TAS2R1: variants seen among roughly 807,000 people sequenced by gnomAD.
The protein encoded by TAS2R1 is taste 2 receptor member 1.
For missense variants in TAS2R1, 370 were observed against 353.4 expected (o/e 1.05, Z -0.38); for synonymous variants, 141 against 134.2 (o/e 1.05, Z -0.35).
the TAS2R1 span, among the ~76,000 whole-genome samples, chr5:9,833,875 G>A: frequency 6.6e-6 from 1 of 152,180 alleles, no homozygotes; most frequent in Non-Finnish European, 1.5e-5. Flanking sequence ...CTGCAAACCA[G>A]TCCTTTTATT....
At chr5:9,778,438 A>C in the TAS2R1 span, among the ~76,000 whole-genome samples, 3 of 152,244 alleles carry the variant, frequency 2.0e-5, no homozygotes, top group Non-Finnish European at 4.4e-5. Flanking sequence ...GCCCCTAACA[A>C]GATAATCAAT....
upstream of TAS2R1, among the ~76,000 whole-genome samples, chr5:9,633,295 T>TTATATATATATATATATATATAA (rs1739906310): frequency 2.0e-5 from 1 of 49,198 alleles, no homozygotes; most frequent in African/African-American, 1.2e-4. Context: ...GTGTGTATAT[T>TTATATATATATATATATATATAA]ATATATATAT....
chr5:9,675,136 T>C (rs150164614), intron 1 of TAS2R1, among the ~76,000 whole-genome samples: 4,219 of 149,214 alleles, frequency 0.028, 75 homozygotes, highest in Middle Eastern at 0.054. Flanking sequence ...AATATATATA[T>C]GTAATTTATG....
the TAS2R1 span, among the ~76,000 whole-genome samples, chr5:9,766,532 C>A: frequency 0.052 from 7,904 of 152,214 alleles, 572 homozygotes; most frequent in East Asian, 0.27. Flanking sequence ...CCCAAAGGAT[C>A]CCAGAGGTCA....
intron 2 of TAS2R1, among the ~76,000 whole-genome samples, chr5:9,650,873 T>C (rs554533346): frequency 1.8e-4 from 27 of 152,316 alleles, no homozygotes; most frequent in Admixed American, 2.6e-4. Context: ...AGTAACTAGA[T>C]GGTGCTTGGC....
the TAS2R1 span, among the ~76,000 whole-genome samples, chr5:9,745,199 G>C: frequency 3.3e-5 from 5 of 152,316 alleles, no homozygotes; most frequent in South Asian, 1.0e-3. Flanking sequence ...GAAAGGTTAG[G>C]AGGTAATATT....
chr5:9,724,146 T>C, the TAS2R1 span, among the ~76,000 whole-genome samples: 1 of 152,220 alleles, frequency 6.6e-6, no homozygotes, highest in South Asian at 2.1e-4. Flanking sequence ...CATGCCTTAT[T>C]GAAATGCAAC....
At chr5:9,839,761 C>G in the TAS2R1 span, among the ~76,000 whole-genome samples, 1 of 151,950 alleles carries the variant, frequency 6.6e-6, no homozygotes, top group Non-Finnish European at 1.5e-5. Context: ...TAAAAGTAAA[C>G]ACACGTCTTT....
chr5:9,683,988 G>A (rs1054275129), intron 1 of TAS2R1, among the ~76,000 whole-genome samples: 1 of 151,966 alleles, frequency 6.6e-6, no homozygotes, highest in African/African-American at 2.4e-5. Context: ...ATTAATGCAG[G>A]GATTATAGGA....
chr5:9,839,069 C>G, the TAS2R1 span, among the ~76,000 whole-genome samples: 4 of 152,152 alleles, frequency 2.6e-5, no homozygotes, highest in Non-Finnish European at 5.9e-5. Flanking sequence ...CAGCATCGAG[C>G]AGGTCTCTGT....
intron 1 of TAS2R1, among the ~76,000 whole-genome samples, chr5:9,677,133 T>C (rs887252543): frequency 4.6e-5 from 7 of 152,218 alleles, no homozygotes; most frequent in African/African-American, 1.7e-4. Flanking sequence ...GAAACCATTA[T>C]CGTTAGCAAA....
chr5:9,719,948 A>AC, the TAS2R1 span, among the ~76,000 whole-genome samples: 9 of 146,202 alleles, frequency 6.2e-5, no homozygotes, highest in African/African-American at 2.4e-4. Context: ...ACAAAAACAA[A>AC]AACAAACTAC....
the TAS2R1 span, among the ~76,000 whole-genome samples, chr5:9,741,470 G>C: frequency 5.3e-5 from 8 of 152,242 alleles, no homozygotes; most frequent in East Asian, 1.5e-3. Flanking sequence ...TCTTTTCCCA[G>C]AATGATAAAT....
At chr5:9,719,945 C>G in the TAS2R1 span, among the ~76,000 whole-genome samples, 1 of 124,704 alleles carries the variant, frequency 8.0e-6, no homozygotes, top group Non-Finnish European at 1.7e-5. Context: ...AAAACAAAAA[C>G]AAAAACAAAC....
At chr5:9,863,287 A>C in the TAS2R1 span, among the ~76,000 whole-genome samples, 1 of 96,792 alleles carries the variant, frequency 1.0e-5, no homozygotes, top group Non-Finnish European at 1.9e-5. Flanking sequence ...TTTTTTTTTG[A>C]GATGGAGTCT....
the TAS2R1 span, among the ~76,000 whole-genome samples, chr5:9,721,499 C>A: frequency 3.3e-5 from 5 of 152,304 alleles, no homozygotes; most frequent in East Asian, 9.7e-4. Flanking sequence ...CCTGACTAAC[C>A]CACAGTAGGC....
At chr5:9,708,526 TA>T (rs1741669057) in intron 1 of TAS2R1, among the ~76,000 whole-genome samples, 1 of 152,218 alleles carries the variant, frequency 6.6e-6, no homozygotes, top group East Asian at 1.9e-4. Context: ...ATACATTGAT[TA>T]AAAGCTCCAC....
At chr5:9,795,931 C>T in the TAS2R1 span, among the ~76,000 whole-genome samples, 1 of 152,176 alleles carries the variant, frequency 6.6e-6, no homozygotes, top group Non-Finnish European at 1.5e-5. Context: ...AAGTGAAGCT[C>T]AACCACCCCA....
chr5:9,852,560 T>C, the TAS2R1 span, among the ~76,000 whole-genome samples: 1 of 152,338 alleles, frequency 6.6e-6, no homozygotes, highest in East Asian at 1.9e-4. Context: ...CTGTGATTCA[T>C]AAGGAGGAAG....
Sources: allele counts gnomAD v4.1 joint callset (sites outside exome capture counted in the v4.1 genomes callset), GRCh38; gene constraint gnomAD v4.1.1; transcripts MANE v1.5; gene names NCBI Gene and HGNC (gene_info 2026-07-23, HGNC 2026-07-21).